The following PUS7 variants were observed in gnomAD, a reference collection of about 807,000 sequenced individuals.
The protein encoded by PUS7 is pseudouridine synthase 7.
PUS7 carries 48 observed loss-of-function variants against 79.8 expected under a neutral mutation model. The ratio of observed to expected loss-of-function variants is 0.60; its 90% CI spans 0.48 to 0.76. PUS7 has a LOEUF of 0.76. PUS7 is among the 30% of genes least tolerant of loss of function. The pLI is 0.00. For synonymous variants in PUS7, 286 were observed against 272.2 expected, an observed-to-expected ratio of 1.05 and a Z score of -0.50; for missense variants, 729 against 797.6, an observed-to-expected ratio of 0.91 and a Z score of 1.04.
chr7:105,462,825 G>C, intron 13 of PUS7, 75 bp from the exon 14 acceptor site: 12 of 1,385,044 alleles, frequency 8.7e-6, no homozygotes, highest in Non-Finnish European at 1.2e-5. Flanking sequence ...TATAAAGAGA[G>C]TAACAATGTA....
Position 105,491,572 on chromosome 7 carries a change from C to T in PUS7, c.888G>A (p.Arg296=). The T allele has an allele frequency of 6.2e-7, 1 of 1,602,556 alleles. No individual in the cohort carries two copies. The highest frequency in any genetic ancestry group is 8.5e-7 in the Non-Finnish European group (1 of 1,169,902). The change falls in exon 7 of 16, where the codon AGG becomes AGA. Residue 296 remains arginine (R), a synonymous_variant. Transcript: ENST00000469408. The part of the protein sequence containing the change: ...IFSYMGTKDK[R]AITVQEIAVL... Reference sequence around the variant, plus strand: ...CAGCAATTTCTTGAACTGTTATAGCCCTTTTATCTTTGGTTCCCATGTAGG... The same window carrying T: ...CAGCAATTTCTTGAACTGTTATAGCTCTTTTATCTTTGGTTCCCATGTAGG...
chr7:105,463,471 C>A (rs572615744), intron 13 of PUS7, among the ~76,000 whole-genome samples: 14 of 152,146 alleles, frequency 9.2e-5, no homozygotes, highest in Admixed American at 3.3e-4. Context: ...TTCTGTATTT[C>A]CCACCAAACC....
At chr7:105,477,971 T>G (rs576988673) in intron 9 of PUS7, among the ~76,000 whole-genome samples, 1 of 152,068 alleles carries the variant, frequency 6.6e-6, no homozygotes, top group African/African-American at 2.4e-5. Flanking sequence ...CTCAGCTAAT[T>G]TTTTAAAAAT....
At chr7:105,473,522 G>A (rs539369942) in intron 9 of PUS7, among the ~76,000 whole-genome samples, 1 of 151,660 alleles carries the variant, frequency 6.6e-6, no homozygotes, top group Non-Finnish European at 1.5e-5. Flanking sequence ...GGGTCCAAGC[G>A]ATTCTTGTGC....
intron 1 of PUS7, among the ~76,000 whole-genome samples, chr7:105,512,505 T>G (rs1332133606): frequency 6.6e-6 from 1 of 152,030 alleles, no homozygotes; most frequent in Non-Finnish European, 1.5e-5. Flanking sequence ...TTTTGTGGCA[T>G]AAGGAAGAGG....
intron 12 of PUS7, 66 bp from the exon 13 acceptor site, chr7:105,465,480 A>G: frequency 1.7e-6 from 2 of 1,170,732 alleles, no homozygotes; most frequent in Non-Finnish European, 2.5e-6. Flanking sequence ...TCAATCTTCT[A>G]AAATTATATA....
chr7:105,491,498 G>C, intron 7 of PUS7, 42 bp downstream of exon 7: 6 of 1,295,634 alleles, frequency 4.6e-6, no homozygotes, highest in Non-Finnish European at 6.5e-6. Flanking sequence ...AGCAGTGCCA[G>C]GATATTTACA....
In PUS7 at chr7:105,506,075, A is replaced by T. The variant is rs1161128392; in HGVS notation, c.484-19T>A. The T allele has an allele frequency of 6.3e-7, 1 of 1,598,356 alleles. No individual in the cohort carries two copies. Among genetic ancestry groups the T allele is most frequent in the Non-Finnish European group, 8.6e-7 (1 of 1,168,908 alleles). ...AAGGGTCCTTTAAAATAACCATGAG[A>T]ACTCACAATGAATCATACATAGAAT... On this transcript the variant is annotated intron_variant, in intron 3 of 15. Transcript: ENST00000469408.
At chr7:105,481,706 G>A (rs544413158) in intron 8 of PUS7, among the ~76,000 whole-genome samples, 21 of 150,518 alleles carry the variant, frequency 1.4e-4, no homozygotes, top group Admixed American at 7.3e-4. Context: ...TATTCTAGGC[G>A]CTTTAAGTGG....
At chr7:105,520,259 A>G (rs1219544449) in intron 1 of PUS7, among the ~76,000 whole-genome samples, 1 of 152,048 alleles carries the variant, frequency 6.6e-6, no homozygotes, top group East Asian at 1.9e-4. Context: ...GGAAATCGAG[A>G]CCATCCTGGC....
At chr7:105,502,793 G>A (rs1353071691) in intron 4 of PUS7, among the ~76,000 whole-genome samples, 2 of 152,182 alleles carry the variant, frequency 1.3e-5, no homozygotes, top group African/African-American at 2.4e-5. Context: ...TCTGCCTCCC[G>A]GGTTCAAGGG....
chr7:105,520,431 C>T (rs942598008), intron 1 of PUS7, among the ~76,000 whole-genome samples: 1 of 121,974 alleles, frequency 8.2e-6, no homozygotes, highest in African/African-American at 2.6e-5. Flanking sequence ...TGCAATACAT[C>T]TCCAGCCCTC....
chr7:105,484,190 G>A (rs891709909), intron 7 of PUS7, among the ~76,000 whole-genome samples: 1 of 152,254 alleles, frequency 6.6e-6, no homozygotes, highest in Middle Eastern at 3.4e-3. Flanking sequence ...TTGAAATTGT[G>A]TAAAAATCCT....
intron 7 of PUS7, among the ~76,000 whole-genome samples, chr7:105,485,273 G>A (rs1478505780): frequency 3.3e-5 from 5 of 152,172 alleles, no homozygotes; most frequent in Admixed American, 3.3e-4. Context: ...GCAATGGCGC[G>A]ATCTTGGCTC....
At chr7:105,501,531 A>C (rs1825248782) in intron 5 of PUS7, among the ~76,000 whole-genome samples, 2 of 152,224 alleles carry the variant, frequency 1.3e-5, no homozygotes, top group Non-Finnish European at 2.9e-5. Flanking sequence ...ATACACAACA[A>C]AAGATGGGCT....
intron 1 of PUS7, among the ~76,000 whole-genome samples, chr7:105,513,465 T>C (rs980785581): frequency 1.3e-5 from 2 of 152,202 alleles, no homozygotes; most frequent in African/African-American, 2.4e-5. Context: ...AAAAGTAAAA[T>C]ATGATGACTT....
chr7:105,514,403 G>A (rs1049046566), intron 1 of PUS7, among the ~76,000 whole-genome samples: 1 of 151,996 alleles, frequency 6.6e-6, no homozygotes, highest in Non-Finnish European at 1.5e-5. Context: ...AAGAGACCGA[G>A]ACCATCCTGT....
At chr7:105,466,261 C>CT (rs1224793255) in intron 12 of PUS7, among the ~76,000 whole-genome samples, 2 of 151,866 alleles carry the variant, frequency 1.3e-5, no homozygotes, top group Non-Finnish European at 2.9e-5. Flanking sequence ...AAAAGAAATT[C>CT]TTTTTTTGTT....
chr7:105,485,268 G>A (rs893416073), intron 7 of PUS7, among the ~76,000 whole-genome samples: 1 of 152,184 alleles, frequency 6.6e-6, no homozygotes, highest in Non-Finnish European at 1.5e-5. Context: ...GGAGCGCAAT[G>A]GCGCGATCTT....
Sources: allele counts gnomAD v4.1 joint callset (sites outside exome capture counted in the v4.1 genomes callset), GRCh38; gene constraint gnomAD v4.1.1; transcripts MANE v1.5; gene names NCBI Gene and HGNC (gene_info 2026-07-23, HGNC 2026-07-21).